The following FAM167B variants were observed in gnomAD, a reference collection of about 807,000 sequenced individuals.
FAM167B encodes the protein family with sequence similarity 167 member B.
A neutral mutation model predicts 15.4 loss-of-function variants in FAM167B; 7 were observed. The observed-to-expected ratio is 0.46, with a 90% CI of 0.26 to 0.86. FAM167B has a LOEUF of 0.86. FAM167B is among the 40% of genes least tolerant of loss of function. FAM167B has a pLI of 0.17. For synonymous variants in FAM167B, 100 were observed against 94.6 expected (o/e 1.06, Z -0.33); for missense variants, 207 against 208.3 (o/e 0.99, Z 0.04).
Position 32,247,281 on chromosome 1 carries a change from C to T in FAM167B, c.-141C>T. The T allele has an allele frequency of 8.5e-7, 1 of 1,175,054 alleles. No individual in the cohort carries two copies. Among genetic ancestry groups the T allele is most frequent in the East Asian group, 2.8e-5 (1 of 35,200 alleles). The allele number at this position is 1,175,054 out of a possible 1,614,324, so 72.8% of individuals were successfully genotyped here. A position where few individuals can be genotyped will look rare whatever the true frequency, so the allele number is the denominator to read the frequency against. On this transcript the variant is annotated 5_prime_UTR_variant, in exon 1 of 2. Coordinates refer to ENST00000373582, the MANE Select transcript of FAM167B (RefSeq NM_032648.3). ...CCTGGCACATTCAGCCCCCCTAACC[C>T]ACCTTGAACATTGACCACCACACAC...
In FAM167B at chr1:32,247,646, A is replaced by C; in HGVS notation, c.225A>C (p.Ser75=). The C allele has an allele frequency of 6.7e-7, 1 of 1,489,304 alleles. No homozygotes were observed. Among genetic ancestry groups the C allele is most frequent in the Non-Finnish European group, 9.0e-7 (1 of 1,115,942 alleles). 92.3% of individuals were successfully genotyped at this position (1,489,304 alleles called of 1,614,324 possible). Residue 75 remains serine, a synonymous_variant, in exon 1 of 2, where the codon TCA becomes TCC. Coordinates refer to ENST00000373582, the MANE Select transcript of FAM167B (RefSeq NM_032648.3). The part of the protein sequence containing the change: ...GGPGDICGFD[S]MDSALEWLRR... ...CTGGGGACATCTGTGGTTTCGACTC[A>C]ATGGACTCCGCCCTTGAGTGGCTCC...
intron 1 of FAM167B, 82 bp from the exon 2 acceptor site, chr1:32,248,289 A>G: frequency 1.7e-6 from 2 of 1,187,582 alleles, no homozygotes; most frequent in South Asian, 3.0e-5. Flanking sequence ...AGTCAGTGCA[A>G]AGGCCCAGCG....
At chr1:32,247,827 G>A in intron 1 of FAM167B, 145 bp downstream of exon 1, 1 of 686,384 alleles carries the variant, frequency 1.5e-6, no homozygotes, top group Non-Finnish European at 2.2e-6. Flanking sequence ...GAGGAGCCGG[G>A]AATGGACTTG....
Position 32,247,306 on chromosome 1 carries a change from C to G in FAM167B, c.-116C>G. 7.3e-7 allele frequency: 1 copy of G among 1,376,118 alleles called. No individual in the cohort carries two copies. Among genetic ancestry groups the G allele is most frequent in the Non-Finnish European group, 9.6e-7 (1 of 1,039,506 alleles). The allele number at this position is 1,376,118 out of a possible 1,614,324, so 85.2% of individuals were successfully genotyped here. On this transcript the variant is annotated 5_prime_UTR_variant, in exon 1 of 2. Coordinates refer to ENST00000373582, the MANE Select transcript of FAM167B (RefSeq NM_032648.3). ...CACCTTGAACATTGACCACCACACA[C>G]TCCCTGGCACGCTCTTCTCACCCTC...
rs772306144 is a variant in FAM167B, at chr1:32,247,241, C to T, written c.-181C>T. ...CCTTGCATACTTGGCCTCACACACC[C>T]ATCTGCTCACTCACCCTGGCACATT... is the stretch of plus-strand genomic sequence containing the variant. On this transcript the variant is annotated 5_prime_UTR_variant, in exon 1 of 2. Coordinates refer to ENST00000373582, the MANE Select transcript of FAM167B (RefSeq NM_032648.3). 97 of 654,560 alleles carry T rather than the reference C, an allele frequency of 1.5e-4. No homozygotes were observed. Among genetic ancestry groups the T allele is most frequent in the Non-Finnish European group, 2.1e-4 (92 of 431,000 alleles). The allele number at this position is 654,560 out of a possible 1,614,324, so 40.5% of individuals were successfully genotyped here.
At chr1:32,247,786 C>T in intron 1 of FAM167B, 104 bp downstream of exon 1, 1 of 1,101,912 alleles carries the variant, frequency 9.1e-7, no homozygotes, top group Non-Finnish European at 1.2e-6. Context: ...GACCCTGCCT[C>T]CAGCAACCGC....
chr1:32,248,259 G>C, intron 1 of FAM167B, 112 bp from the exon 2 acceptor site: 1 of 848,792 alleles, frequency 1.2e-6, no homozygotes, highest in South Asian at 1.8e-5. Flanking sequence ...GCTGAGGTGA[G>C]AGGGGGCTGG....
chr1:32,248,561 C>T lies in FAM167B; in HGVS notation c.452C>T (p.Thr151Met), dbSNP rs1363174720. The T allele has an allele frequency of 3.9e-6, 6 of 1,549,570 alleles. 1 individual carries two copies. In the South Asian group the frequency reaches 5.9e-5, roughly 15 times the overall value. ...LAPLLRHLGL[T>M]RMNISARRFT... Reference sequence around the variant, plus strand: ...CCGCTGCTGCGGCACCTGGGCCTCACGCGCATGAACATCAGCGCCCGGCGC... The same window carrying T: ...CCGCTGCTGCGGCACCTGGGCCTCATGCGCATGAACATCAGCGCCCGGCGC... Residue 151 changes from threonine (T) to methionine (M), a missense_variant, in exon 2 of 2, where the codon ACG becomes ATG. Physicochemically the swap from Thr to Met is moderately conservative, Grantham distance 81 (BLOSUM62 -1). Coordinates refer to ENST00000373582, the MANE Select transcript of FAM167B (RefSeq NM_032648.3).
Position 32,247,647 on chromosome 1 carries a change from A to G in FAM167B, c.226A>G (p.Met76Val), listed in dbSNP as rs776821117. The G allele has an allele frequency of 2.0e-6, 3 of 1,489,350 alleles. No homozygotes were observed. The highest frequency in any genetic ancestry group is 1.4e-5 in the African/African-American group (1 of 70,260). 92.3% of individuals were successfully genotyped at this position (1,489,350 alleles called of 1,614,324 possible). Reference protein sequence around the residue: ...GPGDICGFDSMDSALEWLRRE... With the variant: ...GPGDICGFDSVDSALEWLRRE... ...TGGGGACATCTGTGGTTTCGACTCA[A>G]TGGACTCCGCCCTTGAGTGGCTCCG... is the stretch of plus-strand genomic sequence containing the variant. The change falls in exon 1 of 2, where the codon ATG (methionine) becomes GTG (valine). Residue 76 changes from methionine (M) to valine (V), a missense_variant. Physicochemically the swap from Met to Val is conservative, Grantham distance 21. Transcript: ENST00000373582.
rs1639438625 is a variant in FAM167B, at chr1:32,248,530, C to G, written c.421C>G (p.Leu141Val). The G allele has an allele frequency of 6.4e-7, 1 of 1,564,510 alleles. No homozygotes were observed. Among genetic ancestry groups the G allele is most frequent in the Admixed American group, 1.9e-5 (1 of 51,726 alleles). ...GCTGGAGCCCGGGGCCGGCCTAGCCCTGGCCCCGCTGCTGCGGCACCTGGG... is the reference window on the plus strand; with the variant it reads ...GCTGGAGCCCGGGGCCGGCCTAGCCGTGGCCCCGCTGCTGCGGCACCTGGG... Reference protein sequence around the residue: ...LELEPGAGLALAPLLRHLGLT... With the variant: ...LELEPGAGLAVAPLLRHLGLT... The change falls in exon 2 of 2, where the codon CTG becomes GTG. Residue 141 changes from leucine to valine, a missense_variant. Coordinates refer to ENST00000373582, the MANE Select transcript of FAM167B (RefSeq NM_032648.3).
At chr1:32,248,224 A>C in intron 1 of FAM167B, 147 bp from the exon 2 acceptor site, 1 of 668,116 alleles carries the variant, frequency 1.5e-6, no homozygotes, top group Non-Finnish European at 2.5e-6. Flanking sequence ...AGGTGAAGCC[A>C]GATTGGGAGA....
intron 1 of FAM167B, among the ~76,000 whole-genome samples, chr1:32,247,934 G>C (rs1192284187): frequency 6.6e-6 from 1 of 152,166 alleles, no homozygotes; most frequent in Non-Finnish European, 1.5e-5. Context: ...ACTGGTGTTG[G>C]GGGGTGTGGG....
chr1:32,247,870 A>G (rs1257588760), intron 1 of FAM167B, among the ~76,000 whole-genome samples, 188 bp downstream of exon 1: 1 of 152,230 alleles, frequency 6.6e-6, no homozygotes, highest in Admixed American at 6.5e-5. Context: ...CTTGCTGAAG[A>G]AGGATTCCAT....
At position 32,248,823 on chromosome 1, in the gene FAM167B, C is replaced by A; in HGVS notation, c.*222C>A. The stretch of plus-strand genomic sequence containing the variant: ...GGGGAGGAGGAGGAGCTCACACCCT[C>A]AAACTCCTCAATAAACGCTTTCTCT... On this transcript the variant is annotated 3_prime_UTR_variant, in exon 2 of 2. Transcript: ENST00000373582. The A allele has an allele frequency of 1.7e-6, 1 of 585,040 alleles. No individual in the cohort carries two copies. Among genetic ancestry groups the A allele is most frequent in the Admixed American group, 3.1e-5 (1 of 32,172 alleles). The allele number at this position is 585,040 out of a possible 1,614,324, so 36.2% of individuals were successfully genotyped here.
Position 32,247,405 on chromosome 1 carries a change from C to T in FAM167B, c.-17C>T, listed in dbSNP as rs1639421315. On this transcript the variant is annotated 5_prime_UTR_variant, in exon 1 of 2. Transcript: ENST00000373582. ...TCAGAGCTGCAGCCCTGCCCTGTCA[C>T]TCACCTCAAACCTGCCATGTCCCTG... is the stretch of plus-strand genomic sequence containing the variant. The T allele has an allele frequency of 8.7e-6, 13 of 1,493,698 alleles. No homozygotes were observed. The highest frequency in any genetic ancestry group is 1.1e-5 in the Non-Finnish European group (12 of 1,118,278). 92.5% of individuals were successfully genotyped at this position (1,493,698 alleles called of 1,614,324 possible).
Position 32,247,560 on chromosome 1 carries a change from ACAG to A in FAM167B, c.141_143del (p.Ala48del), listed in dbSNP as rs772171544. ...TCGGCGGCCCTCATATCTGGAGTGG[ACAG>A]CCCAGGTCCAGAGCCAGGCCTGGCG... On this transcript the variant is annotated inframe_deletion, in exon 1 of 2. Coordinates refer to ENST00000373582, the MANE Select transcript of FAM167B (RefSeq NM_032648.3). The A allele has an allele frequency of 6.2e-7, 1 of 1,602,086 alleles. No individual in the cohort carries two copies. Among genetic ancestry groups the A allele is most frequent in the Non-Finnish European group, 8.5e-7 (1 of 1,174,060 alleles).
rs1381376733 is a variant in FAM167B, at chr1:32,247,694, G to A, written c.261+12G>A. The A allele has an allele frequency of 4.1e-6, 6 of 1,457,690 alleles. No homozygotes were observed. The highest frequency in any genetic ancestry group is 2.6e-5 in the East Asian group (1 of 38,584). 90.3% of individuals were successfully genotyped at this position (1,457,690 alleles called of 1,614,324 possible). A position where few individuals can be genotyped will look rare whatever the true frequency, so the allele number is the denominator to read the frequency against. On this transcript the variant is annotated intron_variant, in intron 1 of 1. Transcript: ENST00000373582. ...TCCGACGGGAGCTGGTGAGTCTGGT[G>A]GGGTGGGCAGCTTTGCCCAGGGCCT...
At position 32,247,892 on chromosome 1, in the gene FAM167B, A is replaced by C. The variant is rs922879599; in HGVS notation, c.261+210A>C. 2.0e-5 allele frequency among the ~76,000 whole-genome samples: 3 copies of C among 152,150 alleles called. No homozygotes were observed. The East Asian group carries it at 5.8e-4, about 29-fold the overall frequency. ...AAGAAGGATTCCATCCAATCTACTGACCTTGTGCTCCTGTTGCTTAGGGGA... is the reference window on the plus strand; with the variant it reads ...AAGAAGGATTCCATCCAATCTACTGCCCTTGTGCTCCTGTTGCTTAGGGGA... On this transcript the variant is annotated intron_variant, in intron 1 of 1. Coordinates refer to ENST00000373582, the MANE Select transcript of FAM167B (RefSeq NM_032648.3).
rs1557563629 is a variant in FAM167B, at chr1:32,248,613, G to A, written c.*12G>A. On this transcript the variant is annotated 3_prime_UTR_variant, in exon 2 of 2. Transcript: ENST00000373582. ...TCACCCTCTGCTGAGGAACACCTGT[G>A]CCCCCCGACTCCCCGCCCCCTCTCC... 1 of 1,519,326 alleles carries A rather than the reference G, an allele frequency of 6.6e-7. No homozygotes were observed. Among genetic ancestry groups the A allele is most frequent in the Non-Finnish European group, 8.8e-7 (1 of 1,134,636 alleles). 94.1% of individuals were successfully genotyped at this position (1,519,326 alleles called of 1,614,324 possible). A position where few individuals can be genotyped will look rare whatever the true frequency, so the allele number is the denominator to read the frequency against.
Sources: allele counts gnomAD v4.1 joint callset (sites outside exome capture counted in the v4.1 genomes callset), GRCh38; gene constraint gnomAD v4.1.1; transcripts MANE v1.5; gene names NCBI Gene and HGNC (gene_info 2026-07-23, HGNC 2026-07-21).